The following DLGAP1 variants were observed in gnomAD, a reference collection of about 807,000 sequenced individuals.
DLGAP1 encodes disks large-associated protein 1.
Under a neutral mutation model 90.8 loss-of-function variants are expected in DLGAP1, and 11 were observed. The ratio of observed to expected loss-of-function variants is 0.12; its 90% confidence interval spans 0.08 to 0.20. The LOEUF (loss-of-function observed/expected upper bound fraction) is 0.20, where lower values mean the gene tolerates loss of function less well. DLGAP1 is among the 10% of genes least tolerant of loss of function. The pLI is 1.00. For missense variants in DLGAP1, 1,050 were observed against 1,333.8 expected, an observed-to-expected ratio of 0.79 and a Z score of 3.31; for synonymous variants, 558 against 540.7, an observed-to-expected ratio of 1.03 and a Z score of -0.44.
At chr18:4,101,837 T>G (rs1423166994) in intron 2 of DLGAP1, among the ~76,000 whole-genome samples, 1 of 151,928 alleles carries the variant, frequency 6.6e-6, no homozygotes, top group African/African-American at 2.4e-5. Flanking sequence ...CCTATATATG[T>G]ATAAATCCAT....
At chr18:4,395,816 A>T (rs1195856984) in intron 1 of DLGAP1, among the ~76,000 whole-genome samples, 1 of 152,210 alleles carries the variant, frequency 6.6e-6, no homozygotes, top group African/African-American at 2.4e-5. Flanking sequence ...ATATATAAAA[A>T]CATTCATAAT....
At chr18:3,693,779 C>G (rs1218238403) in intron 7 of DLGAP1, among the ~76,000 whole-genome samples, 2 of 152,160 alleles carry the variant, frequency 1.3e-5, no homozygotes, top group Non-Finnish European at 2.9e-5. Context: ...CCAGATTGGG[C>G]TAGGAAGCTG....
rs565820641 is a variant in DLGAP1, at chr18:4,254,628, C to T, written c.-266-103341G>A. Among the ~76,000 whole-genome samples the T allele has an allele frequency of 4.6e-5, 7 of 152,214 alleles. No individual in the cohort carries two copies. In the South Asian group the frequency reaches 1.5e-3, roughly 32 times the overall value. On this transcript the variant is annotated intron_variant, in intron 1 of 12. Transcript: ENST00000315677. ...CATCTCATATTATCCAGAGGACAGACATTGAGACCAAATTCTAAGGTCAGG... is the reference window on the plus strand; with the variant it reads ...CATCTCATATTATCCAGAGGACAGATATTGAGACCAAATTCTAAGGTCAGG...
At chr18:4,402,531 G>A (rs1470950649) in intron 1 of DLGAP1, among the ~76,000 whole-genome samples, 3 of 152,168 alleles carry the variant, frequency 2.0e-5, no homozygotes, top group Non-Finnish European at 2.9e-5. Context: ...CTATTTTACA[G>A]ATGAGAACGA....
intron 4 of DLGAP1, among the ~76,000 whole-genome samples, chr18:3,817,574 A>C (rs1428184604): frequency 6.6e-6 from 1 of 152,214 alleles, no homozygotes; most frequent in African/African-American, 2.4e-5. Flanking sequence ...AGAAAAACAC[A>C]ACTGCTGAAC....
chr18:4,343,334 T>C (rs1039608684), intron 1 of DLGAP1, among the ~76,000 whole-genome samples: 5 of 151,548 alleles, frequency 3.3e-5, no homozygotes, highest in Admixed American at 6.6e-5. Context: ...GTTTAGATTA[T>C]GGAACTAGGT....
chr18:4,405,145 G>A (rs1182500675), intron 1 of DLGAP1, among the ~76,000 whole-genome samples: 1 of 152,096 alleles, frequency 6.6e-6, no homozygotes. Flanking sequence ...AAAGAAAAGG[G>A]ATTTTTCTTG....
chr18:3,931,655 A>C (rs1298475999), intron 3 of DLGAP1, among the ~76,000 whole-genome samples: 3 of 152,194 alleles, frequency 2.0e-5, no homozygotes, highest in Non-Finnish European at 4.4e-5. Flanking sequence ...CAAGTAGGTC[A>C]CTTGTCCTGG....
chr18:3,708,467 T>C (rs1458788169), intron 7 of DLGAP1: 1 of 456,564 alleles, frequency 2.2e-6, no homozygotes, highest in Non-Finnish European at 4.4e-6. Flanking sequence ...CTTCCTACCC[T>C]AGCGCCCAGG....
intron 2 of DLGAP1, among the ~76,000 whole-genome samples, chr18:4,090,001 C>T (rs1258680402): frequency 2.0e-5 from 3 of 152,058 alleles, no homozygotes; most frequent in East Asian, 1.9e-4. Flanking sequence ...GCCAAGATCG[C>T]GCCGCTGCAC....
At chr18:3,681,134 A>G (rs778554892) in intron 7 of DLGAP1, among the ~76,000 whole-genome samples, 3 of 152,232 alleles carry the variant, frequency 2.0e-5, no homozygotes, top group Non-Finnish European at 4.4e-5. Flanking sequence ...ACTGTTTCCA[A>G]CACTAGAGTG....
intron 2 of DLGAP1, among the ~76,000 whole-genome samples, chr18:4,088,133 T>A (rs1189832464): frequency 1.3e-5 from 2 of 152,052 alleles, no homozygotes; most frequent in Non-Finnish European, 2.9e-5. Flanking sequence ...TAAATTAAAT[T>A]AAATTTTAAA....
chr18:3,587,754 A>G (rs1247318728), intron 7 of DLGAP1, among the ~76,000 whole-genome samples: 1 of 152,196 alleles, frequency 6.6e-6, no homozygotes, highest in Non-Finnish European at 1.5e-5. Flanking sequence ...CGAGACCACT[A>G]ACCCACCGGG....
chr18:4,432,386 T>C (rs281004), intron 1 of DLGAP1, among the ~76,000 whole-genome samples: 127,304 of 152,070 alleles, frequency 0.84, 53,566 homozygotes, highest in East Asian at 0.97. Context: ...GTATCTGATA[T>C]TTGTTAATGT....
intron 2 of DLGAP1, among the ~76,000 whole-genome samples, chr18:4,056,898 G>A (rs763287819): frequency 2.6e-5 from 4 of 151,990 alleles, no homozygotes; most frequent in African/African-American, 4.8e-5. Flanking sequence ...AAGCACATCC[G>A]GATGATAACT....
At chr18:4,341,565 C>T (rs1256747779) in intron 1 of DLGAP1, among the ~76,000 whole-genome samples, 1 of 152,152 alleles carries the variant, frequency 6.6e-6, no homozygotes, top group African/African-American at 2.4e-5. Flanking sequence ...AGGACCTACC[C>T]TGGGGTACAC....
chr18:3,649,310 T>C (rs2059218611), intron 7 of DLGAP1, among the ~76,000 whole-genome samples: 1 of 152,206 alleles, frequency 6.6e-6, no homozygotes. Flanking sequence ...GGCTGTGACT[T>C]GCCCCTGGCA....
intron 2 of DLGAP1, among the ~76,000 whole-genome samples, chr18:4,118,248 G>A (rs547827881): frequency 2.0e-5 from 3 of 152,168 alleles, no homozygotes; most frequent in East Asian, 1.9e-4. Flanking sequence ...GGAGTTCTTC[G>A]TCCCTGAGAT....
chr18:4,171,409 C>CA (rs1440669910), intron 1 of DLGAP1, among the ~76,000 whole-genome samples: 2 of 151,446 alleles, frequency 1.3e-5, no homozygotes, highest in Non-Finnish European at 2.9e-5. Context: ...ACTAAAAATA[C>CA]AAAAAATCAG....
Sources: allele counts gnomAD v4.1 joint callset (sites outside exome capture counted in the v4.1 genomes callset), GRCh38; gene constraint gnomAD v4.1.1; transcripts MANE v1.5; gene names NCBI Gene and HGNC (gene_info 2026-07-23, HGNC 2026-07-21).